The following PRRC2B variants were observed in gnomAD, a reference collection of about 807,000 sequenced individuals.
The protein encoded by PRRC2B is protein PRRC2B.
A neutral mutation model predicts 242.3 loss-of-function variants in PRRC2B; 68 were observed. The ratio of observed to expected loss-of-function variants is 0.28; its 90% CI spans 0.23 to 0.34. The LOEUF (loss-of-function observed/expected upper bound fraction) is 0.34. Among genes scored for constraint, PRRC2B ranks in the 10% least tolerant of loss-of-function variants. PRRC2B has a pLI of 1.00. For missense variants in PRRC2B, 2,835 were observed against 2,954.8 expected (o/e 0.96, Z 0.94); for synonymous variants, 1,228 against 1,173.6 (o/e 1.05, Z -0.95).
At chr9:131,416,431 A>G (rs924387695) in intron 1 of PRRC2B, among the ~76,000 whole-genome samples, 1 of 152,052 alleles carries the variant, frequency 6.6e-6, no homozygotes, top group African/African-American at 2.4e-5. Flanking sequence ...TAATTGGATT[A>G]TTTTACTTTA....
intron 1 of PRRC2B, among the ~76,000 whole-genome samples, chr9:131,408,789 G>A (rs532115308): frequency 8.0e-5 from 12 of 149,568 alleles, no homozygotes; most frequent in Admixed American, 6.7e-4. Flanking sequence ...ATATGATCTC[G>A]GCTCACTGCA....
Position 131,478,520 on chromosome 9 carries a change from G to C in PRRC2B, c.4659G>C (p.Glu1553Asp). 1 of 1,613,600 alleles carries C rather than the reference G, an allele frequency of 6.2e-7. No homozygotes were observed. The highest frequency in any genetic ancestry group is 1.1e-5 in the South Asian group (1 of 91,066). ...NCGSSPGEES[E>D]VGSMVGEGFI... ...GGTCCAGCCCCGGGGAGGAGAGTGA[G>C]GTGGGTTCTATGGTGGGCGAAGGCT... The change falls in exon 18 of 32, where the codon GAG (glutamate) becomes GAC (aspartate). Residue 1553 changes from glutamate (E) to aspartate (D), a missense_variant. Glu to Asp is a conservative substitution (Grantham distance 45, BLOSUM62 2). This residue lies in a region of PRRC2B where 1,536 missense variants were observed against 1,483.1 expected (regional missense o/e 1.04). Coordinates refer to ENST00000683519, the MANE Select transcript of PRRC2B (RefSeq NM_013318.4).
In PRRC2B at chr9:131,455,160, C is replaced by T; in HGVS notation, c.1205C>T (p.Pro402Leu). Residue 402 changes from proline to leucine, a missense_variant, in exon 10 of 32, where the codon CCA becomes CTA. Around this residue, in one of 7 missense-constraint regions of PRRC2B, gnomAD observed 626 missense variants for 685.5 expected, o/e 0.91. Transcript: ENST00000683519. Reference sequence around the variant, plus strand: ...GAAGAAGTTGTGAAGGACGGCAGGCCAAAGTGGTAAGGACCCGTTCCTGCC... The same window carrying T: ...GAAGAAGTTGTGAAGGACGGCAGGCTAAAGTGGTAAGGACCCGTTCCTGCC... ...EEEEVVKDGR[P>L]KWNSWDPRRQ... 6.2e-7 allele frequency: 1 copy of T among 1,612,626 alleles called. No individual in the cohort carries two copies. Among genetic ancestry groups the T allele is most frequent in the Non-Finnish European group, 8.5e-7 (1 of 1,178,874 alleles).
upstream of PRRC2B, among the ~76,000 whole-genome samples, chr9:131,392,608 A>G (rs1836920467): frequency 6.6e-6 from 1 of 152,138 alleles, no homozygotes; most frequent in South Asian, 2.1e-4. Context: ...AGACATTGGC[A>G]GGGGAATAAT....
At chr9:131,447,996 C>A (rs1838860269) in intron 9 of PRRC2B, 192 bp downstream of exon 9, 2 of 463,104 alleles carry the variant, frequency 4.3e-6, no homozygotes, top group Non-Finnish European at 7.4e-6. Flanking sequence ...CCTGGCCAAG[C>A]CATTAGCTTC....
rs902513144 is a variant in PRRC2B, at chr9:131,481,603, G to A, written c.4901-123G>A. 1.2e-5 allele frequency: 9 copies of A among 760,552 alleles called. No individual in the cohort carries two copies. The African/African-American group carries it at 1.2e-4, about 10-fold the overall frequency. 47.1% of individuals were successfully genotyped at this position (760,552 alleles called of 1,614,324 possible). On this transcript the variant is annotated intron_variant, in intron 19 of 31. Coordinates refer to ENST00000683519, the MANE Select transcript of PRRC2B (RefSeq NM_013318.4). Reference sequence around the variant, plus strand: ...CACGGGTAGGGGGCTGGGGTGGCGGGTGCAGGGGAGGCAGGGGAGTTGGAT... The same window carrying A: ...CACGGGTAGGGGGCTGGGGTGGCGGATGCAGGGGAGGCAGGGGAGTTGGAT...
At chr9:131,426,365 AAG>A (rs1317459574) in intron 1 of PRRC2B, among the ~76,000 whole-genome samples, 3 of 151,340 alleles carry the variant, frequency 2.0e-5, no homozygotes, top group South Asian at 2.1e-4. Flanking sequence ...AAAAAAGAAA[AAG>A]AAAAAAAGAA....
chr9:131,436,746 A>T, intron 4 of PRRC2B, 24 bp downstream of exon 4: 1 of 1,580,870 alleles, frequency 6.3e-7, no homozygotes, highest in Non-Finnish European at 8.7e-7. Context: ...CCCCATCCCA[A>T]CTGTTTCCTG....
At chr9:131,396,272 C>T (rs1271452618) in intron 1 of PRRC2B, among the ~76,000 whole-genome samples, 1 of 151,472 alleles carries the variant, frequency 6.6e-6, no homozygotes, top group East Asian at 1.9e-4. Context: ...CTCTCCCTCC[C>T]TCCCTTTCCC....
upstream of PRRC2B, among the ~76,000 whole-genome samples, chr9:131,393,932 C>A (rs1269506733): frequency 1.3e-5 from 2 of 151,064 alleles, no homozygotes; most frequent in Non-Finnish European, 3.0e-5. Flanking sequence ...CCTCGCCCGG[C>A]CCCCGGGCCG....
At chr9:131,490,393 T>C in intron 28 of PRRC2B, 1 of 513,512 alleles carries the variant, frequency 1.9e-6, no homozygotes, top group East Asian at 5.5e-5. Context: ...GTCAGCACTC[T>C]ATAAATGGCA....
At chr9:131,394,877 G>GT (rs1410931467) in intron 1 of PRRC2B, among the ~76,000 whole-genome samples, 1 of 151,984 alleles carries the variant, frequency 6.6e-6, no homozygotes, top group African/African-American at 2.4e-5. Flanking sequence ...GAACCAGAGG[G>GT]TTATTTTCGA....
At chr9:131,456,492 A>G (rs906386224) in intron 10 of PRRC2B, among the ~76,000 whole-genome samples, 5 of 151,794 alleles carry the variant, frequency 3.3e-5, no homozygotes, top group African/African-American at 1.2e-4. Flanking sequence ...CTAGCTGGGC[A>G]TGGTGGTAGG....
intron 10 of PRRC2B, among the ~76,000 whole-genome samples, chr9:131,455,486 G>A (rs1223494549): frequency 6.7e-6 from 1 of 149,086 alleles, no homozygotes; most frequent in African/African-American, 2.5e-5. Context: ...AAGCAAGTTT[G>A]GGAAACCTCC....
chr9:131,464,502 C>T (rs1446028641), intron 11 of PRRC2B, among the ~76,000 whole-genome samples: 1 of 152,204 alleles, frequency 6.6e-6, no homozygotes, highest in African/African-American at 2.4e-5. Context: ...TTCACCTTCA[C>T]AATCCTAAGA....
At chr9:131,477,205 T>C (rs1003032296) in intron 16 of PRRC2B, among the ~76,000 whole-genome samples, 3 of 152,224 alleles carry the variant, frequency 2.0e-5, no homozygotes, top group Non-Finnish European at 4.4e-5. Context: ...GTGCAGGGGC[T>C]GCTGAGGCCT....
chr9:131,492,228 A>G lies in PRRC2B; in HGVS notation c.6441A>G (p.Ser2147=). The G allele has an allele frequency of 6.2e-7, 1 of 1,613,894 alleles. No individual in the cohort carries two copies. Among genetic ancestry groups the G allele is most frequent in the Non-Finnish European group, 8.5e-7 (1 of 1,179,844 alleles). The part of the protein sequence containing the change: ...HFADSKQNVP[S]GGPVPSPQTY... ...CCGACAGTAAACAGAATGTCCCTTC[A>G]GGAGGCCCCGTGCCATCGCCACAGA... The change falls in exon 30 of 32, where the codon TCA becomes TCG. Residue 2147 remains serine, a synonymous_variant. Transcript: ENST00000683519.
intron 2 of PRRC2B, among the ~76,000 whole-genome samples, 191 bp downstream of exon 2, chr9:131,430,450 TAGTGGAATTTTCTCCATCTA>T (rs1363092942): frequency 1.3e-5 from 2 of 151,364 alleles, no homozygotes; most frequent in East Asian, 3.9e-4. Context: ...ACTCTTTCTG[TAGTGGAATTTTCTCCATCTA>T]TTACCTTATT....
chr9:131,430,398 A>G, intron 2 of PRRC2B, 139 bp downstream of exon 2: 2 of 561,432 alleles, frequency 3.6e-6, no homozygotes, highest in Non-Finnish European at 3.2e-6. Context: ...ATCACTCTCT[A>G]CTTCCTACTT....
Sources: allele counts gnomAD v4.1 joint callset (sites outside exome capture counted in the v4.1 genomes callset), GRCh38; gene constraint gnomAD v4.1.1; regional missense constraint gnomAD v4.1.1; transcripts MANE v1.5; gene names NCBI Gene and HGNC (gene_info 2026-07-23, HGNC 2026-07-21).